YKT6: variants seen among roughly 807,000 people sequenced by gnomAD.
The protein encoded by YKT6 is YKT6 vesicular SNARE protein.
Under a neutral mutation model 29.3 loss-of-function variants are expected in YKT6, and 12 were observed. The ratio of observed to expected loss-of-function variants is 0.41; its 90% CI spans 0.26 to 0.66. The LOEUF (loss-of-function observed/expected upper bound fraction) is 0.66. Among genes scored for constraint, YKT6 ranks in the 30% least tolerant of loss-of-function variants. The pLI, the probability that YKT6 is intolerant of heterozygous loss-of-function variation, is 0.32. For missense variants in YKT6, 188 were observed against 243.8 expected, an observed-to-expected ratio of 0.77 and a Z score of 1.52; for synonymous variants, 86 against 94.3, an observed-to-expected ratio of 0.91 and a Z score of 0.51.
rs2096348013 is a variant in YKT6, at chr7:44,212,567, T to C, written c.*285T>C. 1 of 421,384 alleles carries C rather than the reference T, an allele frequency of 2.4e-6. No homozygotes were observed. The highest frequency in any genetic ancestry group is 2.0e-5 in the African/African-American group (1 of 49,698). The allele number at this position is 421,384 out of a possible 1,614,324, so 26.1% of individuals were successfully genotyped here. On this transcript the variant is annotated 3_prime_UTR_variant, in exon 7 of 7. Transcript: ENST00000223369. ...GCTTCTGTAGATGCCAAAGGGCTCTTTTTCAGCTAACCCTGGGAAGGCTCT... is the reference window on the plus strand; with the variant it reads ...GCTTCTGTAGATGCCAAAGGGCTCTCTTTCAGCTAACCCTGGGAAGGCTCT...
At chr7:44,201,346 A>G in intron 1 of YKT6, 107 bp downstream of exon 1, 1 of 203,084 alleles carries the variant, frequency 4.9e-6, no homozygotes, top group Non-Finnish European at 9.0e-6. Flanking sequence ...GGGAGGGTGG[A>G]GGAGGCCAAG....
chr7:44,201,030 G>T lies in YKT6; in HGVS notation c.-106G>T. 1 of 931,822 alleles carries T rather than the reference G, an allele frequency of 1.1e-6. No individual in the cohort carries two copies. The allele number at this position is 931,822 out of a possible 1,614,324, so 57.7% of individuals were successfully genotyped here. On this transcript the variant is annotated 5_prime_UTR_variant, in exon 1 of 7. Transcript: ENST00000223369. The stretch of plus-strand genomic sequence containing the variant: ...GCGGTGGCCCCGTCAGCAGCCGGCT[G>T]CTGAGAGGCCGGTAGGCGGCGGCGG...
rs1390560325 is a variant in YKT6 at position 44,211,661 on chromosome 7, T to C, written c.561+537T>C. ...GCACTGTTGGCCCATGGTTGGATAG[T>C]CATAGGGACAAATTTACTTGGTCTG... On this transcript the variant is annotated intron_variant, in intron 6 of 6. Coordinates refer to ENST00000223369, the MANE Select transcript of YKT6 (RefSeq NM_006555.4). 6.1e-6 allele frequency: 6 copies of C among 987,040 alleles called. No individual in the cohort carries two copies. In the East Asian group the frequency reaches 6.4e-4, roughly 106 times the overall value. The allele number at this position is 987,040 out of a possible 1,614,324, so 61.1% of individuals were successfully genotyped here.
intron 1 of YKT6, among the ~76,000 whole-genome samples, chr7:44,203,493 T>G (rs1488490120): frequency 6.6e-6 from 1 of 152,238 alleles, no homozygotes; most frequent in East Asian, 1.9e-4. Context: ...TTTTTTGGTC[T>G]TTGTATACAT....
intron 1 of YKT6, among the ~76,000 whole-genome samples, chr7:44,201,540 C>G (rs956672293): frequency 6.6e-6 from 1 of 152,198 alleles, no homozygotes; most frequent in Non-Finnish European, 1.5e-5. Context: ...TTATACCATT[C>G]TAGAATATAG....
At chr7:44,201,295 G>T in intron 1 of YKT6, 56 bp downstream of exon 1, 1 of 1,535,132 alleles carries the variant, frequency 6.5e-7, no homozygotes, top group South Asian at 1.2e-5. Flanking sequence ...CTGGGGTGGG[G>T]GTCCGAGTCG....
At position 44,201,028 on chromosome 7, in the gene YKT6, C is replaced by G; in HGVS notation, c.-108C>G. 1 of 898,656 alleles carries G rather than the reference C, an allele frequency of 1.1e-6. No homozygotes were observed. Among genetic ancestry groups the G allele is most frequent in the South Asian group, 1.9e-5 (1 of 52,562 alleles). 55.7% of individuals were successfully genotyped at this position (898,656 alleles called of 1,614,324 possible). A position where few individuals can be genotyped will look rare whatever the true frequency, so the allele number is the denominator to read the frequency against. On this transcript the variant is annotated 5_prime_UTR_variant, in exon 1 of 7. Transcript: ENST00000223369. The stretch of plus-strand genomic sequence containing the variant: ...CGGCGGTGGCCCCGTCAGCAGCCGG[C>G]TGCTGAGAGGCCGGTAGGCGGCGGC...
chr7:44,203,238 C>T lies in YKT6; in HGVS notation c.105-1330C>T, dbSNP rs766409510. 8.3e-4 allele frequency among the ~76,000 whole-genome samples: 127 copies of T among 152,188 alleles called. 1 individual carries two copies. The highest frequency in any genetic ancestry group is 2.7e-3 in the African/African-American group (111 of 41,488). ...CCTCCCAAGTAGCTGGGATTACAGGCGCGCACCACCACACCCGGCTAATTT... is the reference window on the plus strand; with the variant it reads ...CCTCCCAAGTAGCTGGGATTACAGGTGCGCACCACCACACCCGGCTAATTT... On this transcript the variant is annotated intron_variant, in intron 1 of 6. Transcript: ENST00000223369.
At chr7:44,203,811 A>G (rs1161676115) in intron 1 of YKT6, among the ~76,000 whole-genome samples, 1 of 152,148 alleles carries the variant, frequency 6.6e-6, no homozygotes, top group African/African-American at 2.4e-5. Context: ...GCAGACTCCC[A>G]TTTGAGCACC....
intron 5 of YKT6, among the ~76,000 whole-genome samples, chr7:44,209,764 C>T (rs2096344689): frequency 6.6e-6 from 1 of 152,186 alleles, no homozygotes; most frequent in Non-Finnish European, 1.5e-5. Flanking sequence ...TTCCTGAGGG[C>T]CCTGGCAGCA....
At chr7:44,209,079 G>A (rs887111259) in intron 5 of YKT6, among the ~76,000 whole-genome samples, 9 of 152,160 alleles carry the variant, frequency 5.9e-5, no homozygotes, top group African/African-American at 1.4e-4. Context: ...CCTGACCAGC[G>A]TATGAGCACT....
At chr7:44,202,318 A>G (rs1413824585) in intron 1 of YKT6, among the ~76,000 whole-genome samples, 2 of 152,194 alleles carry the variant, frequency 1.3e-5, no homozygotes, top group Non-Finnish European at 2.9e-5. Flanking sequence ...TATCTTCACT[A>G]TCTTTAAGCG....
intron 2 of YKT6, among the ~76,000 whole-genome samples, chr7:44,205,666 G>T (rs2096340108): frequency 6.6e-6 from 1 of 152,110 alleles, no homozygotes; most frequent in South Asian, 2.1e-4. Flanking sequence ...CTTTCCTTGG[G>T]GATATGGTTA....
At chr7:44,211,301 AGTTCACTTGGGCGCC>A (rs2096346603) in intron 6 of YKT6, among the ~76,000 whole-genome samples, 177 bp downstream of exon 6, 1 of 152,184 alleles carries the variant, frequency 6.6e-6, no homozygotes, top group African/African-American at 2.4e-5. Flanking sequence ...GGTTGGAGGC[AGTTCACTTGGGCGCC>A]GTTGGAGTCG....
At position 44,213,244 on chromosome 7, in the gene YKT6, C is replaced by G. The variant is rs1355708096; in HGVS notation, c.*962C>G. The G allele has an allele frequency of 2.0e-5, 3 of 152,264 alleles. No homozygotes were observed. Among genetic ancestry groups the G allele is most frequent in the Non-Finnish European group, 4.4e-5 (3 of 68,060 alleles). The allele number at this position is 152,264 out of a possible 1,614,324, so 9.4% of individuals were successfully genotyped here. On this transcript the variant is annotated 3_prime_UTR_variant, in exon 7 of 7. Coordinates refer to ENST00000223369, the MANE Select transcript of YKT6 (RefSeq NM_006555.4). ...TTTATTTGACTCTGTGGCTCTAAGA[C>G]TGCCTTGAACCGCCTGAGGCCTATG...
At chr7:44,204,986 A>G (rs899923605) in intron 2 of YKT6, among the ~76,000 whole-genome samples, 8 of 152,238 alleles carry the variant, frequency 5.3e-5, no homozygotes, top group African/African-American at 1.9e-4. Flanking sequence ...TTGAGGTACT[A>G]TATGTATTCT....
At chr7:44,206,864 G>T (rs1343749886) in intron 3 of YKT6, among the ~76,000 whole-genome samples, 1 of 152,206 alleles carries the variant, frequency 6.6e-6, no homozygotes, top group Non-Finnish European at 1.5e-5. Context: ...CTTGATGTCA[G>T]TCAGTTGCAC....
intron 5 of YKT6, 73 bp from the exon 6 acceptor site, chr7:44,210,950 T>A: frequency 6.6e-7 from 1 of 1,524,358 alleles, no homozygotes; most frequent in South Asian, 1.1e-5. Context: ...CTTTCCCCCA[T>A]GACTGAAATA....
At chr7:44,211,469 T>C (rs2096346790) in intron 6 of YKT6, 1 of 893,460 alleles carries the variant, frequency 1.1e-6, no homozygotes, top group Admixed American at 5.0e-5. Flanking sequence ...TATTCCTCTT[T>C]CTGCTGAGTA....
Sources: allele counts gnomAD v4.1 joint callset (sites outside exome capture counted in the v4.1 genomes callset), GRCh38; gene constraint gnomAD v4.1.1; transcripts MANE v1.5; gene names NCBI Gene and HGNC (gene_info 2026-07-23, HGNC 2026-07-21).